The following HMGCLL1 variants were observed in gnomAD, a reference collection of about 807,000 sequenced individuals.
HMGCLL1 encodes the protein 3-hydroxymethyl-3-methylglutaryl-CoA lyase, cytoplasmic.
HMGCLL1 carries 36 observed loss-of-function variants against 39.1 expected under a neutral mutation model. That is an observed-to-expected ratio of 0.92 (90% CI 0.71 to 1.22). HMGCLL1 has a LOEUF of 1.22. HMGCLL1 is among the 50% of genes most tolerant of loss of function. The pLI is 0.00. For missense variants in HMGCLL1, 451 were observed against 416.5 expected, an observed-to-expected ratio of 1.08 and a Z score of -0.72; for synonymous variants, 149 against 144.0, an observed-to-expected ratio of 1.03 and a Z score of -0.25.
At chr6:55,639,525 A>T in the HMGCLL1 span, among the ~76,000 whole-genome samples, 6 of 151,902 alleles carry the variant, frequency 3.9e-5, no homozygotes, top group South Asian at 1.2e-3. Flanking sequence ...TTGTTTATTG[A>T]TAAGGAAATA....
chr6:55,574,526 A>AT (rs1771671131), intron 1 of HMGCLL1, among the ~76,000 whole-genome samples: 1 of 151,782 alleles, frequency 6.6e-6, no homozygotes, highest in Non-Finnish European at 1.5e-5. Context: ...AGTAAAAAAA[A>AT]GTATATCACT....
At chr6:55,473,488 G>T (rs1225044324) in intron 7 of HMGCLL1, among the ~76,000 whole-genome samples, 2 of 151,312 alleles carry the variant, frequency 1.3e-5, no homozygotes, top group African/African-American at 2.4e-5. Flanking sequence ...ACCATTTCAT[G>T]TGTAGCACCA....
rs1265858881 is a variant in HMGCLL1 at position 55,435,596 on chromosome 6, T to C, written c.*66A>G. 7 of 833,974 alleles carry C rather than the reference T, an allele frequency of 8.4e-6. No individual in the cohort carries two copies. In the Admixed American group the frequency reaches 9.8e-5, roughly 12 times the overall value. 51.7% of individuals were successfully genotyped at this position (833,974 alleles called of 1,614,324 possible). A position where few individuals can be genotyped will look rare whatever the true frequency, so the allele number is the denominator to read the frequency against. On this transcript the variant is annotated 3_prime_UTR_variant, in exon 9 of 9. Transcript: ENST00000274901. ...ACATATCAGAGCAAGTTGGCATTAA[T>C]GATTTTCAGATGAGTATTGTAGCTG...
chr6:55,594,751 A>C, the HMGCLL1 span, among the ~76,000 whole-genome samples: 1 of 152,148 alleles, frequency 6.6e-6, no homozygotes, highest in Non-Finnish European at 1.5e-5. Flanking sequence ...CCCTTGGTTT[A>C]ACAGCAAGTT....
intron 7 of HMGCLL1, among the ~76,000 whole-genome samples, chr6:55,489,290 C>A (rs1766197184): frequency 6.6e-6 from 1 of 151,706 alleles, no homozygotes. Flanking sequence ...AAGTATGCAA[C>A]AAGTATTTGG....
intron 1 of HMGCLL1, among the ~76,000 whole-genome samples, chr6:55,573,551 T>G (rs1771622228): frequency 6.6e-6 from 1 of 151,594 alleles, no homozygotes; most frequent in African/African-American, 2.4e-5. Context: ...AATTAAGAAC[T>G]CAATAAATTA....
At position 55,477,420 on chromosome 6, in the gene HMGCLL1, C is replaced by A. The variant is rs1266612066; in HGVS notation, c.795+17999G>T. Among the ~76,000 whole-genome samples, 100 of 18,764 alleles carry A rather than the reference C, an allele frequency of 5.3e-3. 15 individuals carry two copies. The highest frequency in any genetic ancestry group is 0.037 in the African/African-American group (58 of 1,576). 12.3% of individuals were successfully genotyped at this position (18,764 alleles called of 152,430 possible). A position where few individuals can be genotyped will look rare whatever the true frequency, so the allele number is the denominator to read the frequency against. On this transcript the variant is annotated intron_variant, in intron 7 of 8. Coordinates refer to ENST00000274901, the MANE Select transcript of HMGCLL1 (RefSeq NM_001042406.2). The stretch of plus-strand genomic sequence containing the variant: ...TATATATTATCTAAATATATATTAT[C>A]TTAATATATATTATATATTATATAT...
intron 1 of HMGCLL1, among the ~76,000 whole-genome samples, chr6:55,560,450 C>T (rs1050118347): frequency 6.6e-6 from 1 of 152,090 alleles, no homozygotes; most frequent in Non-Finnish European, 1.5e-5. Flanking sequence ...ATAAGCTGTT[C>T]TGTCCAAATT....
the HMGCLL1 span, among the ~76,000 whole-genome samples, chr6:55,642,596 TACAA>T: frequency 2.0e-5 from 3 of 152,110 alleles, no homozygotes; most frequent in African/African-American, 7.2e-5. Context: ...TCCTTTGTGT[TACAA>T]ACAATCCAAT....
At chr6:55,633,822 G>T in the HMGCLL1 span, among the ~76,000 whole-genome samples, 3 of 152,018 alleles carry the variant, frequency 2.0e-5, no homozygotes, top group Non-Finnish European at 2.9e-5. Context: ...ATACTTAAAT[G>T]ATATGTTGCC....
chr6:55,651,106 A>G, the HMGCLL1 span, among the ~76,000 whole-genome samples: 2 of 152,054 alleles, frequency 1.3e-5, no homozygotes, highest in Non-Finnish European at 2.9e-5. Flanking sequence ...TCTCAAATAG[A>G]AAGAGTCTTT....
At chr6:55,522,779 G>A (rs1768103005) in intron 3 of HMGCLL1, among the ~76,000 whole-genome samples, 2 of 152,016 alleles carry the variant, frequency 1.3e-5, no homozygotes, top group Non-Finnish European at 2.9e-5. Flanking sequence ...GCAAACTACA[G>A]AAGAGGAGAA....
intron 7 of HMGCLL1, among the ~76,000 whole-genome samples, chr6:55,474,397 C>T (rs1399903049): frequency 2.0e-5 from 3 of 151,576 alleles, no homozygotes; most frequent in South Asian, 2.1e-4. Context: ...TCCTTAGCCA[C>T]GTCTAGTCTA....
intron 7 of HMGCLL1, among the ~76,000 whole-genome samples, chr6:55,491,541 G>A (rs1304762529): frequency 6.6e-6 from 1 of 152,134 alleles, no homozygotes; most frequent in Non-Finnish European, 1.5e-5. Context: ...CCTGTTCTTT[G>A]TCTTTGTGCT....
At chr6:55,505,788 T>C (rs1767124945) in intron 5 of HMGCLL1, among the ~76,000 whole-genome samples, 1 of 151,768 alleles carries the variant, frequency 6.6e-6, no homozygotes, top group Admixed American at 6.6e-5. Context: ...TTTATCTGCG[T>C]AGTTCCTGAT....
At chr6:55,586,545 T>TC in the HMGCLL1 span, among the ~76,000 whole-genome samples, 4 of 133,554 alleles carry the variant, frequency 3.0e-5, no homozygotes, top group Non-Finnish European at 6.4e-5. Context: ...CCCTCCCTCC[T>TC]CCCCCCACCC....
intron 7 of HMGCLL1, among the ~76,000 whole-genome samples, chr6:55,442,127 A>G (rs1763624900): frequency 2.0e-5 from 3 of 152,090 alleles, no homozygotes; most frequent in Admixed American, 1.3e-4. Flanking sequence ...GCTGGTATTA[A>G]CTTTTCTTGT....
the HMGCLL1 span, among the ~76,000 whole-genome samples, chr6:55,635,146 A>C: frequency 2.6e-5 from 4 of 152,110 alleles, no homozygotes; most frequent in East Asian, 7.7e-4. Context: ...AGCTCTGAGT[A>C]ACTTACAGAA....
At chr6:55,578,374 G>A (rs902399820) in intron 1 of HMGCLL1, among the ~76,000 whole-genome samples, 1 of 152,080 alleles carries the variant, frequency 6.6e-6, no homozygotes, top group Non-Finnish European at 1.5e-5. Flanking sequence ...GTCTTAACAT[G>A]CCCTTTCAGG....
Sources: allele counts gnomAD v4.1 joint callset (sites outside exome capture counted in the v4.1 genomes callset), GRCh38; gene constraint gnomAD v4.1.1; transcripts MANE v1.5; gene names NCBI Gene and HGNC (gene_info 2026-07-23, HGNC 2026-07-21).